Variants in TBCD observed in about 807,000 individuals in gnomAD.
The protein encoded by TBCD is tubulin folding cofactor D.
Under a neutral mutation model 169.3 loss-of-function variants are expected in TBCD, and 105 were observed. That is an observed-to-expected ratio of 0.62 (90% CI 0.53 to 0.73). TBCD has a LOEUF of 0.73. Among genes scored for constraint, TBCD ranks in the 30% least tolerant of loss-of-function variants. TBCD has a pLI of 0.00. For synonymous variants in TBCD, 700 were observed against 643.9 expected (o/e 1.09, Z -1.32); for missense variants, 1,444 against 1,600.1 (o/e 0.90, Z 1.66).
rs1472917893 is a variant in TBCD at position 82,832,167 on chromosome 17, A to C, written c.1318+17233A>C. On this transcript the variant is annotated intron_variant, in intron 13 of 38. Transcript: ENST00000355528. This position sits in a 1 kb window ranked among gnomAD's most constrained non-coding sequence, Gnocchi z 4.9. Reference sequence around the variant, plus strand: ...TGTGCTGAAGCTTCGAGTCGAAGGCAGAGAGTCCATTTGCGACAGACTTGG... The same window carrying C: ...TGTGCTGAAGCTTCGAGTCGAAGGCCGAGAGTCCATTTGCGACAGACTTGG... 1 of 1,614,134 alleles carries C rather than the reference A, an allele frequency of 6.2e-7. No individual in the cohort carries two copies. Among genetic ancestry groups the C allele is most frequent in the African/African-American group, 1.3e-5 (1 of 74,954 alleles).
At chr17:82,773,689 C>T (rs950487341) in intron 6 of TBCD, among the ~76,000 whole-genome samples, 4 of 151,550 alleles carry the variant, frequency 2.6e-5, no homozygotes, top group African/African-American at 7.3e-5. Context: ...TCTTCCAAAA[C>T]GAGATGACCT....
intron 5 of TBCD, among the ~76,000 whole-genome samples, chr17:82,769,825 T>A (rs1380737796): frequency 6.8e-6 from 1 of 146,224 alleles, no homozygotes; most frequent in Non-Finnish European, 1.5e-5. Context: ...TGTAGTGAAC[T>A]GAGATTACGC....
intron 13 of TBCD, among the ~76,000 whole-genome samples, chr17:82,819,076 C>T (rs1404272272): frequency 1.3e-5 from 2 of 151,764 alleles, no homozygotes; most frequent in Non-Finnish European, 2.9e-5. Flanking sequence ...GAAAAAAAAG[C>T]GCGAAAACAA....
Position 82,930,511 on chromosome 17 carries a change from C to G in TBCD, c.2992-11C>G, listed in dbSNP as rs542538604. The G allele has an allele frequency of 6.8e-6, 11 of 1,611,716 alleles. No homozygotes were observed. The highest frequency in any genetic ancestry group is 9.3e-6 in the Non-Finnish European group (11 of 1,179,316). ...GGTCCCACTGCCTTCTGAGGTGTCT[C>G]CGTGTTGCAGATCCGGCACTCCACC... On this transcript the variant is annotated splice_polypyrimidine_tract_variant and intron_variant, in intron 32 of 38. Transcript: ENST00000355528. This position sits in a 1 kb window ranked among gnomAD's most constrained non-coding sequence, Gnocchi z 5.2.
chr17:82,881,781 G>A (rs2058368367), intron 14 of TBCD, among the ~76,000 whole-genome samples: 1 of 152,234 alleles, frequency 6.6e-6, no homozygotes, highest in South Asian at 2.1e-4. Flanking sequence ...TATTTCAAAA[G>A]ATGCTTCCTA....
intron 34 of TBCD, among the ~76,000 whole-genome samples, chr17:82,935,059 G>A (rs556064511): frequency 7.8e-6 from 1 of 128,648 alleles, no homozygotes; most frequent in South Asian, 2.7e-4. Flanking sequence ...GCCAGACTCT[G>A]TTTCAAAAAA....
chr17:82,775,103 C>T (rs2048506669), intron 6 of TBCD, among the ~76,000 whole-genome samples: 1 of 152,202 alleles, frequency 6.6e-6, no homozygotes, highest in Admixed American at 6.5e-5. Context: ...GGGAAAAGAG[C>T]GCGCTGGCTC....
chr17:82,927,106 G>C, intron 28 of TBCD, 80 bp from the exon 29 acceptor site: 1 of 1,581,496 alleles, frequency 6.3e-7, no homozygotes, highest in Non-Finnish European at 8.6e-7. Context: ...TCAGGATCAG[G>C]AACACACATC....
intron 13 of TBCD, among the ~76,000 whole-genome samples, chr17:82,849,341 G>A (rs183687956): frequency 1.3e-5 from 2 of 148,786 alleles, no homozygotes; most frequent in Non-Finnish European, 3.0e-5. Context: ...GCTGCCTACC[G>A]GGCTTGGTCT....
chr17:82,762,024 G>A (rs112810445), intron 2 of TBCD, among the ~76,000 whole-genome samples: 6,563 of 151,622 alleles, frequency 0.043, 299 homozygotes, highest in African/African-American at 0.11. Context: ...TCTGTTGATG[G>A]ACATTTGAGT....
At chr17:82,755,485 G>A (rs933192030) in intron 1 of TBCD, among the ~76,000 whole-genome samples, 1 of 152,230 alleles carries the variant, frequency 6.6e-6, no homozygotes, top group Admixed American at 6.5e-5. Context: ...AGGGCCTGCT[G>A]TCTGTCATGT....
At chr17:82,772,544 G>A (rs756341127) in intron 6 of TBCD, 37 bp downstream of exon 6, 11 of 1,611,548 alleles carry the variant, frequency 6.8e-6, no homozygotes, top group Non-Finnish European at 9.3e-6. Flanking sequence ...TGTGTGGCTG[G>A]TGGGTTCTGA....
intron 12 of TBCD, among the ~76,000 whole-genome samples, chr17:82,812,836 G>T (rs1331071887): frequency 2.0e-5 from 3 of 152,134 alleles, no homozygotes; most frequent in African/African-American, 4.8e-5. Flanking sequence ...CACCGCGCCC[G>T]GCTGTTTTGT....
Position 82,884,147 on chromosome 17 carries a change from C to G in TBCD, c.1478C>G (p.Ala493Gly). 1 of 1,608,648 alleles carries G rather than the reference C, an allele frequency of 6.2e-7. No homozygotes were observed. The highest frequency in any genetic ancestry group is 1.7e-5 in the Admixed American group (1 of 59,258). The stretch of plus-strand genomic sequence containing the variant: ...TTAATCCTTTCTCTTTTTCACAGTG[C>G]ACTGGTGATTGCTGCGGTGTTTGAC... ...LKPFVTAISS[A>G]LVIAAVFDRD... Residue 493 changes from alanine to glycine, a missense_variant and splice_region_variant, in exon 15 of 39, where the codon GCA becomes GGA. Transcript: ENST00000355528. This position sits in a 1 kb window ranked among gnomAD's most constrained non-coding sequence, Gnocchi z 4.2.
intron 13 of TBCD, among the ~76,000 whole-genome samples, chr17:82,815,678 G>A (rs1243730559): frequency 1.3e-5 from 2 of 152,216 alleles, no homozygotes; most frequent in South Asian, 2.1e-4. Flanking sequence ...TAGAGTGGGG[G>A]CCCATCCTGA....
In TBCD at chr17:82,752,334, C is replaced by A; in HGVS notation, c.141C>A (p.His47Gln). ...RALLGRLREV[H>Q]GGGAEREVAL... is the part of the protein sequence containing the mutation. ...TGCTGGGCCGCCTGCGGGAGGTGCA[C>A]GGCGGCGGCGCGGAGCGCGAGGTGG... Residue 47 changes from histidine (H) to glutamine (Q), a missense_variant, in exon 1 of 39, where the codon CAC becomes CAA. Coordinates refer to ENST00000355528, the MANE Select transcript of TBCD (RefSeq NM_005993.5). The A allele has an allele frequency of 1.4e-6, 2 of 1,424,860 alleles. No homozygotes were observed. Among genetic ancestry groups the A allele is most frequent in the South Asian group, 1.5e-5 (1 of 68,348 alleles). 88.3% of individuals were successfully genotyped at this position (1,424,860 alleles called of 1,614,324 possible).
rs755302623 is a variant in TBCD, at chr17:82,840,953, G to GTTTTTTTTTTTTTTTTTTTTTTTTT, written c.1318+26019_1318+26020insTTTTTTTTTTTTTTTTTTTTTTTTT. ...ACGAGCTGGCCAGGACAGACAAACT[G>GTTTTTTTTTTTTTTTTTTTTTTTTT]GTTTTTTTTTTTTTTTTTTTTTTTT... On this transcript the variant is annotated intron_variant, in intron 13 of 38. Coordinates refer to ENST00000355528, the MANE Select transcript of TBCD (RefSeq NM_005993.5). 2.6e-4 allele frequency among the ~76,000 whole-genome samples: 18 copies of GTTTTTTTTTTTTTTTTTTTTTTTTT among 70,548 alleles called. 9 individuals carry two copies. The highest frequency in any genetic ancestry group is 9.9e-4 in the South Asian group (2 of 2,014). 46.3% of individuals were successfully genotyped at this position (70,548 alleles called of 152,430 possible). A position where few individuals can be genotyped will look rare whatever the true frequency, so the allele number is the denominator to read the frequency against.
At chr17:82,895,060 T>C (rs1342748576) in intron 17 of TBCD, among the ~76,000 whole-genome samples, 1 of 152,242 alleles carries the variant, frequency 6.6e-6, no homozygotes, top group Non-Finnish European at 1.5e-5. Flanking sequence ...ATATTTCCCT[T>C]GTTGCTGAGG....
intron 27 of TBCD, among the ~76,000 whole-genome samples, chr17:82,925,574 T>C (rs950977613): frequency 1.3e-5 from 2 of 152,070 alleles, no homozygotes; most frequent in Non-Finnish European, 2.9e-5. Flanking sequence ...CGTCTGAAGC[T>C]GGAATAGGCC....
Sources: allele counts gnomAD v4.1 joint callset (sites outside exome capture counted in the v4.1 genomes callset), GRCh38; gene constraint gnomAD v4.1.1; non-coding constraint Gnocchi (gnomAD v3.1); transcripts MANE v1.5; gene names NCBI Gene and HGNC (gene_info 2026-07-23, HGNC 2026-07-21).